The following FARS2 variants were observed in gnomAD, a reference collection of about 807,000 sequenced individuals.
FARS2 encodes phenylalanine--tRNA ligase, mitochondrial.
Under a neutral mutation model 46.4 loss-of-function variants are expected in FARS2, and 40 were observed. The observed-to-expected ratio is 0.86, with a 90% CI of 0.67 to 1.12. The LOEUF is 1.12. Among genes scored for constraint, FARS2 ranks in the 50% most tolerant of loss-of-function variants. FARS2 has a pLI of 0.00. For missense variants in FARS2, 513 were observed against 567.9 expected (o/e 0.90, Z 0.98); for synonymous variants, 234 against 214.9 (o/e 1.09, Z -0.78).
intron 6 of FARS2, among the ~76,000 whole-genome samples, chr6:5,709,395 G>T (rs1274879217): frequency 6.6e-6 from 1 of 152,162 alleles, no homozygotes; most frequent in Non-Finnish European, 1.5e-5. Context: ...AACTCACTTG[G>T]TGATGGCTTT....
At chr6:5,513,734 G>T (rs147187580) in intron 4 of FARS2, among the ~76,000 whole-genome samples, 1 of 152,246 alleles carries the variant, frequency 6.6e-6, no homozygotes, top group East Asian at 1.9e-4. Context: ...TTAGTTTCCT[G>T]ATCTCATTCA....
the FARS2 span, among the ~76,000 whole-genome samples, chr6:5,254,569 G>C: frequency 3.3e-5 from 5 of 152,168 alleles, no homozygotes; most frequent in Non-Finnish European, 7.3e-5. Flanking sequence ...TAGGAATAGA[G>C]ATAAGACAGA....
At chr6:5,490,008 A>C (rs1767005539) in intron 4 of FARS2, among the ~76,000 whole-genome samples, 1 of 152,300 alleles carries the variant, frequency 6.6e-6, no homozygotes, top group African/African-American at 2.4e-5. Flanking sequence ...CAAGATACAG[A>C]GAGTTCTCTC....
At chr6:5,404,765 A>G in intron 3 of FARS2, 64 bp downstream of exon 3, 1 of 687,804 alleles carries the variant, frequency 1.5e-6, no homozygotes, top group Non-Finnish European at 2.1e-6. Flanking sequence ...AGTGTTTTGG[A>G]TTTGGGTTTT....
Position 5,456,349 on chromosome 6 carries a change from G to A in FARS2, c.904+25177G>A, listed in dbSNP as rs535785551. The stretch of plus-strand genomic sequence containing the variant: ...TTGTCCTCCTACAGCTTGCATTCAC[G>A]CAGCATTTGAAGGGCTTACTATTTA... On this transcript the variant is annotated intron_variant, in intron 4 of 6. Transcript: ENST00000274680. Among the ~76,000 whole-genome samples the A allele has an allele frequency of 1.2e-4, 19 of 152,280 alleles. No individual in the cohort carries two copies. The East Asian group carries it at 2.1e-3, about 17-fold the overall frequency.
chr6:5,296,129 C>CTTTTTTTTTTTTTTTTTTTTT (rs70974187), intron 1 of FARS2, among the ~76,000 whole-genome samples: 1 of 55,040 alleles, frequency 1.8e-5, no homozygotes, highest in Non-Finnish European at 3.0e-5. Context: ...TCATTTTGGC[C>CTTTTTTTTTTTTTTTTTTTTT]TTTTTTTTTT....
chr6:5,550,252 C>T (rs1582424431), intron 5 of FARS2, among the ~76,000 whole-genome samples: 1 of 152,278 alleles, frequency 6.6e-6, no homozygotes, highest in East Asian at 1.9e-4. Flanking sequence ...TATTTCTACC[C>T]TCTAAAATAT....
intron 1 of FARS2, among the ~76,000 whole-genome samples, chr6:5,281,535 G>A (rs1766723103): frequency 6.6e-6 from 1 of 152,094 alleles, no homozygotes; most frequent in South Asian, 2.1e-4. Context: ...ACATTCACAT[G>A]CTTGAGGAAA....
intron 4 of FARS2, among the ~76,000 whole-genome samples, chr6:5,486,486 TG>T (rs1188501239): frequency 1.3e-5 from 2 of 152,166 alleles, no homozygotes; most frequent in Non-Finnish European, 1.5e-5. Context: ...AGCTTAGTGG[TG>T]GGGTTAGAGA....
the FARS2 span, among the ~76,000 whole-genome samples, chr6:5,252,486 C>T: frequency 6.6e-6 from 1 of 152,208 alleles, no homozygotes. Flanking sequence ...ACACGCCTTG[C>T]ATTTTACTTT....
chr6:5,751,331 C>A (rs1232538229), intron 6 of FARS2, among the ~76,000 whole-genome samples: 2 of 152,086 alleles, frequency 1.3e-5, no homozygotes, highest in African/African-American at 2.4e-5. Context: ...GTGCTGTTAT[C>A]CTGGGCACTT....
At chr6:5,309,380 T>G (rs4960076) in intron 1 of FARS2, among the ~76,000 whole-genome samples, 27,858 of 152,092 alleles carry the variant, frequency 0.18, 3,009 homozygotes, top group East Asian at 0.47. Context: ...TTGTGTGAGA[T>G]TCTTGTTAGT....
chr6:5,659,448 T>G (rs1777749107), intron 6 of FARS2, among the ~76,000 whole-genome samples: 2 of 152,154 alleles, frequency 1.3e-5, no homozygotes, highest in Non-Finnish European at 2.9e-5. Context: ...GAAGTGACAG[T>G]CCGGTGAGCA....
chr6:5,283,859 T>C (rs1447877164), intron 1 of FARS2, among the ~76,000 whole-genome samples: 2 of 152,196 alleles, frequency 1.3e-5, no homozygotes, highest in Non-Finnish European at 2.9e-5. Context: ...TGTCTTCAGC[T>C]TTTACAAATT....
At chr6:5,621,577 G>A (rs975697934) in intron 6 of FARS2, among the ~76,000 whole-genome samples, 14 of 152,156 alleles carry the variant, frequency 9.2e-5, no homozygotes, top group African/African-American at 3.1e-4. Context: ...AGATTCAGAG[G>A]AAAGAGGCCT....
the FARS2 span, among the ~76,000 whole-genome samples, chr6:5,255,239 T>A: frequency 1.3e-5 from 2 of 152,222 alleles, no homozygotes; most frequent in African/African-American, 4.8e-5. Flanking sequence ...TTTTCATAGT[T>A]ATCAGGAAGA....
In FARS2 at chr6:5,310,107, A is replaced by G. The variant is rs187157565; in HGVS notation, c.-22+48447A>G. 4.6e-5 allele frequency among the ~76,000 whole-genome samples: 7 copies of G among 152,306 alleles called. No homozygotes were observed. The East Asian group carries it at 1.3e-3, about 29-fold the overall frequency. On this transcript the variant is annotated intron_variant, in intron 1 of 6. Transcript: ENST00000274680. The stretch of plus-strand genomic sequence containing the variant: ...AGATTATGATAATGATGGTTTTCAA[A>G]TCACTAGGGAAAGTAGGTTTTCAAA...
chr6:5,712,742 C>G (rs115084295), intron 6 of FARS2, among the ~76,000 whole-genome samples: 10 of 152,192 alleles, frequency 6.6e-5, no homozygotes, highest in Non-Finnish European at 1.2e-4. Context: ...CAGTCCTTGC[C>G]GTCCTTGCTT....
chr6:5,308,873 A>T (rs1768904013), intron 1 of FARS2, among the ~76,000 whole-genome samples: 2 of 152,148 alleles, frequency 1.3e-5, no homozygotes, highest in African/African-American at 2.4e-5. Context: ...GACATATTTG[A>T]TGTCTGGTAG....
Sources: allele counts gnomAD v4.1 joint callset (sites outside exome capture counted in the v4.1 genomes callset), GRCh38; gene constraint gnomAD v4.1.1; transcripts MANE v1.5; gene names NCBI Gene and HGNC (gene_info 2026-07-23, HGNC 2026-07-21).